The following ZNF423 variants were observed in gnomAD, a reference collection of about 807,000 sequenced individuals.
The protein encoded by ZNF423 is zinc finger protein 423.
In ZNF423, 12 loss-of-function variants were observed where a neutral mutation model predicts 95.8. The observed-to-expected ratio is 0.13, with a 90% confidence interval of 0.08 to 0.20. The LOEUF (loss-of-function observed/expected upper bound fraction) is 0.20. ZNF423 is among the 10% of genes least tolerant of loss of function. ZNF423 has a pLI of 1.00. For missense variants in ZNF423, 1,316 were observed against 1,737.1 expected, an observed-to-expected ratio of 0.76 and a Z score of 4.31; for synonymous variants, 749 against 711.9, an observed-to-expected ratio of 1.05 and a Z score of -0.83.
intron 3 of ZNF423, among the ~76,000 whole-genome samples, chr16:49,723,223 T>G (rs1265211316): frequency 6.6e-6 from 1 of 152,164 alleles, no homozygotes; most frequent in Non-Finnish European, 1.5e-5. Flanking sequence ...CCAATAAATA[T>G]TTTTTAAATA....
chr16:49,573,158 G>C (rs1342352455), intron 5 of ZNF423, among the ~76,000 whole-genome samples: 1 of 152,174 alleles, frequency 6.6e-6, no homozygotes, highest in Non-Finnish European at 1.5e-5. Context: ...GAAGTGGGTA[G>C]AGGAGTAAAT....
intron 1 of ZNF423, among the ~76,000 whole-genome samples, chr16:49,835,477 C>T (rs1415860662): frequency 6.6e-6 from 1 of 152,208 alleles, no homozygotes; most frequent in Non-Finnish European, 1.5e-5. Flanking sequence ...AAATGGCAAA[C>T]AGCGACGCCC....
chr16:49,560,075 T>C (rs781221456), intron 5 of ZNF423, among the ~76,000 whole-genome samples: 2 of 152,172 alleles, frequency 1.3e-5, no homozygotes, highest in African/African-American at 2.4e-5. Flanking sequence ...ATGGCTTTGT[T>C]TGCACCTCTG....
At chr16:49,702,608 C>T (rs187531663) in intron 3 of ZNF423, among the ~76,000 whole-genome samples, 4 of 152,108 alleles carry the variant, frequency 2.6e-5, no homozygotes, top group Non-Finnish European at 4.4e-5. Flanking sequence ...GGCTGGATGG[C>T]GGGAGGGGGT....
chr16:49,770,751 CT>C (rs1825276020), intron 2 of ZNF423, among the ~76,000 whole-genome samples: 1 of 152,204 alleles, frequency 6.6e-6, no homozygotes, highest in African/African-American at 2.4e-5. Context: ...AAGAGATCAT[CT>C]CCGGGCCCTA....
intron 2 of ZNF423, among the ~76,000 whole-genome samples, chr16:49,766,230 TATC>T (rs1239918076): frequency 1.3e-5 from 2 of 151,998 alleles, no homozygotes; most frequent in East Asian, 1.9e-4. Flanking sequence ...TCAAGGGAAA[TATC>T]ATTAAATAAG....
rs116354381 is a variant in ZNF423 at position 49,518,484 on chromosome 16, T to C, written c.3849+5140A>G. 3.4e-3 allele frequency: 1,508 copies of C among 437,106 alleles called. 12 individuals are homozygous for C. The highest frequency in any genetic ancestry group is 0.028 in the African/African-American group (1,348 of 48,856). The allele number at this position is 437,106 out of a possible 1,614,324, so 27.1% of individuals were successfully genotyped here. ...AATAACTGTGCGCACTGTCTGTCCC[T>C]ATCTCTGCATTCTCCTTTAAAGCAA... is the stretch of plus-strand genomic sequence containing the variant. On this transcript the variant is annotated intron_variant, in intron 7 of 7. Transcript: ENST00000563137.
intron 5 of ZNF423, among the ~76,000 whole-genome samples, chr16:49,584,929 G>A (rs1351836511): frequency 6.6e-6 from 1 of 152,178 alleles, no homozygotes; most frequent in African/African-American, 2.4e-5. Context: ...CGGAAGGAAG[G>A]AGCCTCAGCT....
At chr16:49,848,122 A>AT (rs758933049) in intron 1 of ZNF423, among the ~76,000 whole-genome samples, 1 of 152,142 alleles carries the variant, frequency 6.6e-6, no homozygotes, top group Non-Finnish European at 1.5e-5. Flanking sequence ...GGAAAAAAAA[A>AT]TGGTTAAGAT....
At chr16:49,815,881 AATATATATAT>A (rs1169322824) in intron 1 of ZNF423, among the ~76,000 whole-genome samples, 43 of 47,558 alleles carry the variant, frequency 9.0e-4, no homozygotes, top group Non-Finnish European at 8.9e-4. Flanking sequence ...AAAAAAAAAA[AATATATATAT>A]ATATATATAT....
At chr16:49,540,584 A>G (rs1294498944) in intron 5 of ZNF423, among the ~76,000 whole-genome samples, 1 of 152,146 alleles carries the variant, frequency 6.6e-6, no homozygotes, top group Non-Finnish European at 1.5e-5. Flanking sequence ...CCTGGCCCAC[A>G]ATGTTAAACT....
chr16:49,628,054 T>C (rs1017991741), intron 4 of ZNF423, among the ~76,000 whole-genome samples: 4 of 143,660 alleles, frequency 2.8e-5, no homozygotes, highest in Non-Finnish European at 6.1e-5. Context: ...TACCCATCCA[T>C]TCATCTATAT....
chr16:49,644,633 G>A (rs1973104453), intron 3 of ZNF423, among the ~76,000 whole-genome samples: 1 of 121,456 alleles, frequency 8.2e-6, no homozygotes, highest in Admixed American at 1.1e-4. Context: ...ACTCTAGCCT[G>A]GGTAACAAGA....
intron 5 of ZNF423, among the ~76,000 whole-genome samples, chr16:49,556,701 G>A (rs75379489): frequency 6.6e-6 from 1 of 152,306 alleles, no homozygotes; most frequent in East Asian, 1.9e-4. Context: ...ACAGTGTCTT[G>A]AAGCTCAGCA....
chr16:49,815,924 T>A lies in ZNF423; in HGVS notation c.41-26378A>T, dbSNP rs1181947585. ...TATATATATATATATATTTTTTTTT[T>A]TTTTTTTTTTTTGAGACAAAGTCTC... On this transcript the variant is annotated intron_variant, in intron 1 of 7. Transcript: ENST00000563137. Among the ~76,000 whole-genome samples, 106 of 79,348 alleles carry A rather than the reference T, an allele frequency of 1.3e-3. 3 individuals carry two copies. The highest frequency in any genetic ancestry group is 4.9e-3 in the African/African-American group (101 of 20,492). The allele number at this position is 79,348 out of a possible 152,430, so 52.1% of individuals were successfully genotyped here.
At chr16:49,706,987 T>C (rs1220392258) in intron 3 of ZNF423, among the ~76,000 whole-genome samples, 2 of 152,166 alleles carry the variant, frequency 1.3e-5, no homozygotes, top group African/African-American at 2.4e-5. Context: ...GAGGGATCTG[T>C]TAAACACACA....
chr16:49,766,902 T>C (rs760061350), intron 2 of ZNF423, among the ~76,000 whole-genome samples: 8 of 152,186 alleles, frequency 5.3e-5, no homozygotes, highest in Non-Finnish European at 1.2e-4. Flanking sequence ...TAGGAGGTCC[T>C]GGGATGCAAA....
chr16:49,750,021 T>C (rs752539555), intron 2 of ZNF423, among the ~76,000 whole-genome samples: 2 of 152,294 alleles, frequency 1.3e-5, no homozygotes, highest in Non-Finnish European at 2.9e-5. Context: ...GAGTTGGGGC[T>C]GACCTTGAAG....
At chr16:49,616,684 A>AT (rs926587055) in intron 5 of ZNF423, among the ~76,000 whole-genome samples, 56 of 152,176 alleles carry the variant, frequency 3.7e-4, no homozygotes, top group Admixed American at 1.3e-4. Flanking sequence ...AATCGGCTTG[A>AT]TTGGAGCTAC....
Sources: allele counts gnomAD v4.1 joint callset (sites outside exome capture counted in the v4.1 genomes callset), GRCh38; gene constraint gnomAD v4.1.1; transcripts MANE v1.5; gene names NCBI Gene and HGNC (gene_info 2026-07-23, HGNC 2026-07-21).